Variants in ZNF682 observed in about 807,000 individuals in gnomAD.
ZNF682 encodes the protein zinc finger protein 682.
ZNF682 carries 29 observed loss-of-function variants against 36.5 expected under a neutral mutation model. The observed-to-expected ratio is 0.80, with a 90% CI of 0.59 to 1.08. The LOEUF (loss-of-function observed/expected upper bound fraction) is 1.08. Among genes scored for constraint, ZNF682 ranks in the 50% least tolerant of loss-of-function variants. The pLI is 0.00. For synonymous variants in ZNF682, 180 were observed against 197.0 expected, an observed-to-expected ratio of 0.91 and a Z score of 0.72; for missense variants, 561 against 579.7, an observed-to-expected ratio of 0.97 and a Z score of 0.33.
At chr19:20,010,002 AG>A (rs1381341782) in intron 3 of ZNF682, among the ~76,000 whole-genome samples, 4 of 152,058 alleles carry the variant, frequency 2.6e-5, no homozygotes, top group Non-Finnish European at 5.9e-5. Flanking sequence ...GCTGGGCCAC[AG>A]AGCGAGACTC....
chr19:20,007,002 T>G lies in ZNF682; in HGVS notation c.500A>C (p.His167Pro). The change falls in exon 4 of 4, where the codon CAT becomes CCT. Residue 167 changes from histidine (H) to proline (P), a missense_variant. Physicochemically the swap from His to Pro is moderately conservative, Grantham distance 77 (BLOSUM62 -2). Coordinates refer to ENST00000397165, the MANE Select transcript of ZNF682 (RefSeq NM_033196.3). ...SSNLNRENIR[H>P]TTEKLFKCMQ... ...ACATTTGAAAAGTTTCTCTGTAGTA[T>G]GTCTTATGTTTTCTCTATTTAGATT... The G allele has an allele frequency of 6.2e-7, 1 of 1,613,142 alleles. No homozygotes were observed. The highest frequency in any genetic ancestry group is 1.3e-5 in the African/African-American group (1 of 75,068).
chr19:20,026,813 A>T (rs1011194545), intron 1 of ZNF682, among the ~76,000 whole-genome samples: 1 of 152,168 alleles, frequency 6.6e-6, no homozygotes. Context: ...CGATGGTGAG[A>T]ACTGGTCATG....
intron 3 of ZNF682, among the ~76,000 whole-genome samples, chr19:20,021,260 C>T (rs1161918107): frequency 6.6e-6 from 1 of 152,182 alleles, no homozygotes; most frequent in Non-Finnish European, 1.5e-5. Context: ...AGACAGCAGA[C>T]CTTTCACTGC....
downstream of ZNF682, among the ~76,000 whole-genome samples, chr19:20,002,151 T>C (rs1192502363): frequency 6.6e-6 from 1 of 152,128 alleles, no homozygotes; most frequent in Non-Finnish European, 1.5e-5. Context: ...GGTGTGATCT[T>C]GGCTCACTGC....
chr19:20,002,962 G>A (rs973855526), downstream of ZNF682, among the ~76,000 whole-genome samples: 9 of 151,730 alleles, frequency 5.9e-5, no homozygotes, highest in Admixed American at 3.9e-4. Flanking sequence ...AGGCTGAGGC[G>A]GGCGGATCAC....
At chr19:20,007,878 T>C (rs1446009851) in intron 3 of ZNF682, 2 of 153,166 alleles carry the variant, frequency 1.3e-5, no homozygotes, top group African/African-American at 4.8e-5. Context: ...GGGATCCATC[T>C]GCTGCTGTCT....
chr19:20,034,818 C>T (rs1328040433), intron 1 of ZNF682, among the ~76,000 whole-genome samples: 11 of 151,840 alleles, frequency 7.2e-5, no homozygotes, highest in African/African-American at 2.7e-4. Flanking sequence ...AAAATAAGGT[C>T]AGGCCCGGTG....
At chr19:20,010,957 G>A (rs1307159762) in intron 3 of ZNF682, among the ~76,000 whole-genome samples, 4 of 151,510 alleles carry the variant, frequency 2.6e-5, no homozygotes, top group South Asian at 2.1e-4. Flanking sequence ...GAGCGAGACT[G>A]TCTCAAAAAA....
chr19:20,017,906 A>C (rs2088348332), intron 3 of ZNF682, among the ~76,000 whole-genome samples: 2 of 152,136 alleles, frequency 1.3e-5, no homozygotes, highest in African/African-American at 4.8e-5. Flanking sequence ...AATCCAAAAA[A>C]TGTGGAAATT....
chr19:20,006,836 A>G lies in ZNF682; in HGVS notation c.666T>C (p.Ile222=). Residue 222 remains isoleucine (I), a synonymous_variant, in exon 4 of 4, where the codon ATT becomes ATC. Coordinates refer to ENST00000397165, the MANE Select transcript of ZNF682 (RefSeq NM_033196.3). ...ATTTGTATGGTTTCTCTCCAGTGTG[A>G]ATTCTCTTATGTTTAGTAAGGTATG... The part of the protein sequence containing the change: ...WFSYLTKHKR[I]HTGEKPYKCE... 3.1e-6 allele frequency: 5 copies of G among 1,614,140 alleles called. No homozygotes were observed. The highest frequency in any genetic ancestry group is 4.2e-6 in the Non-Finnish European group (5 of 1,180,012).
chr19:19,996,341 C>T (rs529213748), downstream of ZNF682, among the ~76,000 whole-genome samples: 96 of 152,292 alleles, frequency 6.3e-4, 1 homozygote, highest in Non-Finnish European at 1.0e-3. Flanking sequence ...GCTATCTCCC[C>T]AGAGGAAAGG....
At chr19:20,030,272 G>T (rs1421267391) in intron 1 of ZNF682, among the ~76,000 whole-genome samples, 1 of 152,112 alleles carries the variant, frequency 6.6e-6, no homozygotes, top group Non-Finnish European at 1.5e-5. Flanking sequence ...AAAAGCAATA[G>T]AAATAATAAC....
At chr19:20,018,231 C>A (rs1417736486) in intron 3 of ZNF682, among the ~76,000 whole-genome samples, 1 of 149,472 alleles carries the variant, frequency 6.7e-6, no homozygotes, top group African/African-American at 2.4e-5. Context: ...GTAGCTGGGA[C>A]TACAGGCGCC....
chr19:20,016,274 G>A (rs2088333859), intron 3 of ZNF682, among the ~76,000 whole-genome samples: 1 of 152,142 alleles, frequency 6.6e-6, no homozygotes, highest in African/African-American at 2.4e-5. Flanking sequence ...GTCATCCAGA[G>A]ATCACAGGGC....
intron 3 of ZNF682, among the ~76,000 whole-genome samples, chr19:20,010,430 C>G (rs2088274506): frequency 1.3e-5 from 2 of 152,158 alleles, no homozygotes; most frequent in Admixed American, 1.3e-4. Flanking sequence ...GAGGCTGAGG[C>G]AGGTGGATCA....
intron 1 of ZNF682, among the ~76,000 whole-genome samples, chr19:20,026,955 T>C (rs1275132838): frequency 2.0e-5 from 3 of 152,152 alleles, no homozygotes; most frequent in African/African-American, 7.2e-5. Flanking sequence ...AAAAAAAGTA[T>C]CTAAAACAAA....
chr19:20,024,512 C>A, intron 1 of ZNF682, 136 bp from the exon 2 acceptor site: 1 of 1,056,416 alleles, frequency 9.5e-7, no homozygotes, highest in East Asian at 2.7e-5. Context: ...AATATATTCT[C>A]TGATGTATTC....
At chr19:20,037,808 G>A (rs1599621175) in intron 1 of ZNF682, among the ~76,000 whole-genome samples, 1 of 152,214 alleles carries the variant, frequency 6.6e-6, no homozygotes, top group Admixed American at 6.5e-5. Context: ...TGCCTGGCCA[G>A]CACTGTATCT....
chr19:20,039,381 TG>T lies in ZNF682; in HGVS notation c.-37del. On this transcript the variant is annotated 5_prime_UTR_variant, in exon 1 of 4. Transcript: ENST00000397165. ...CCGGGATGTCGTGGAGTCTTAGCTC[TG>T]GATCTCACAGCATCTGCAAGTCAGA... 1 of 1,610,204 alleles carries T rather than the reference TG, an allele frequency of 6.2e-7. No individual in the cohort carries two copies. Among genetic ancestry groups the T allele is most frequent in the Non-Finnish European group, 8.5e-7 (1 of 1,179,676 alleles).
Sources: allele counts gnomAD v4.1 joint callset (sites outside exome capture counted in the v4.1 genomes callset), GRCh38; gene constraint gnomAD v4.1.1; transcripts MANE v1.5; gene names NCBI Gene and HGNC (gene_info 2026-07-23, HGNC 2026-07-21).